Variants in CTTNBP2 observed in about 807,000 individuals in gnomAD.
The protein encoded by CTTNBP2 is cortactin binding protein 2.
In CTTNBP2, 108 loss-of-function variants were observed where a neutral mutation model predicts 156.9. The ratio of observed to expected loss-of-function variants is 0.69; its 90% CI spans 0.59 to 0.81. CTTNBP2 has a LOEUF of 0.81. CTTNBP2 is among the 30% of genes least tolerant of loss of function. The pLI is 0.00. For synonymous variants in CTTNBP2, 767 were observed against 751.8 expected (o/e 1.02, Z -0.33); for missense variants, 1,924 against 2,035.4 (o/e 0.95, Z 1.05).
At position 117,806,210 on chromosome 7, in the gene CTTNBP2, T is replaced by G. The variant is rs1246419582; in HGVS notation, c.414+4555A>C. Among the ~76,000 whole-genome samples, 4 of 152,176 alleles carry G rather than the reference T, an allele frequency of 2.6e-5. No individual in the cohort carries two copies. In the East Asian group the frequency reaches 7.7e-4, roughly 29 times the overall value. On this transcript the variant is annotated intron_variant, in intron 3 of 22. Coordinates refer to ENST00000160373, the MANE Select transcript of CTTNBP2 (RefSeq NM_033427.3). ...CACTGGTAGTGAGAAAGTGGGTGGC[T>G]GCTCCAAGAATAGCACCCAAACTGG...
chr7:117,831,149 G>C (rs1025533150), intron 2 of CTTNBP2, among the ~76,000 whole-genome samples: 1 of 152,118 alleles, frequency 6.6e-6, no homozygotes, highest in Non-Finnish European at 1.5e-5. Context: ...CAACTCTGTC[G>C]TTATCCAGGA....
chr7:117,821,252 CAAAAGTGCTGT>C (rs1160048923), intron 2 of CTTNBP2, among the ~76,000 whole-genome samples: 16 of 152,000 alleles, frequency 1.1e-4, no homozygotes, highest in Non-Finnish European at 1.0e-4. Context: ...CTACCTTGAA[CAAAAGTGCTGT>C]AAAAGTGCTA....
At chr7:117,795,162 C>T (rs1585018538) in intron 3 of CTTNBP2, among the ~76,000 whole-genome samples, 1 of 33,884 alleles carries the variant, frequency 3.0e-5, no homozygotes, top group Admixed American at 4.0e-4. Flanking sequence ...TCCCAAAGTG[C>T]TGGGATTACA....
At chr7:117,718,901 T>TA (rs1197377591) in intron 21 of CTTNBP2, among the ~76,000 whole-genome samples, 2 of 152,136 alleles carry the variant, frequency 1.3e-5, no homozygotes, top group Non-Finnish European at 2.9e-5. Flanking sequence ...TAGGCTTATA[T>TA]AAAAAGCTGC....
chr7:117,774,667 C>A (rs1394526720), intron 8 of CTTNBP2, among the ~76,000 whole-genome samples: 1 of 141,622 alleles, frequency 7.1e-6, no homozygotes, highest in Non-Finnish European at 1.5e-5. Context: ...GAAACTGGTC[C>A]CTGCTGCCAA....
intron 4 of CTTNBP2, 121 bp downstream of exon 4, chr7:117,791,007 T>C: frequency 1.3e-6 from 1 of 749,148 alleles, no homozygotes; most frequent in Non-Finnish European, 2.1e-6. Flanking sequence ...AGAAAAGAAA[T>C]GGGGGTGGGG....
chr7:117,854,243 C>A (rs1245994330), intron 2 of CTTNBP2, among the ~76,000 whole-genome samples: 4 of 152,130 alleles, frequency 2.6e-5, no homozygotes, highest in Non-Finnish European at 4.4e-5. Context: ...TTAATTCATT[C>A]ATTAATTATA....
In CTTNBP2 at chr7:117,792,523, C is replaced by A; in HGVS notation, c.673G>T (p.Ala225Ser). The A allele has an allele frequency of 6.2e-7, 1 of 1,614,138 alleles. No individual in the cohort carries two copies. Reference sequence around the variant, plus strand: ...TCAGAGAGTTGTTTTTCCATCTGAGCTTCCATTTCTGTGCTTCTTCGTTTC... The same window carrying A: ...TCAGAGAGTTGTTTTTCCATCTGAGATTCCATTTCTGTGCTTCTTCGTTTC... Reference protein sequence around the residue: ...AEKRRSTEMEAQMEKQLSEFD... With the variant: ...AEKRRSTEMESQMEKQLSEFD... Residue 225 changes from alanine (A) to serine (S), a missense_variant, in exon 4 of 23, where the codon GCT becomes TCT. Ala to Ser is a moderately conservative substitution (Grantham distance 99). Coordinates refer to ENST00000160373, the MANE Select transcript of CTTNBP2 (RefSeq NM_033427.3). This position sits in a 1 kb window ranked among gnomAD's most constrained non-coding sequence, Gnocchi z 4.2.
At chr7:117,808,993 C>T (rs1238372080) in intron 3 of CTTNBP2, among the ~76,000 whole-genome samples, 1 of 152,026 alleles carries the variant, frequency 6.6e-6, no homozygotes, top group Non-Finnish European at 1.5e-5. Context: ...GTCAGAGAAA[C>T]CCTTCACTGA....
rs398048025 is a variant in CTTNBP2 at position 117,715,475 on chromosome 7, T to TAAAA, written c.4746+2539_4746+2542dup. Reference sequence around the variant, plus strand: ...CAGACTAGAGTCCAGGCCCTGAAGTTAAAAAAAAAAAAAAAAAAGAAGCCT... The same window carrying TAAAA: ...CAGACTAGAGTCCAGGCCCTGAAGTTAAAAAAAAAAAAAAAAAAAAAAGAAGCCT... On this transcript the variant is annotated intron_variant, in intron 22 of 22. Coordinates refer to ENST00000160373, the MANE Select transcript of CTTNBP2 (RefSeq NM_033427.3). 3.2e-3 allele frequency among the ~76,000 whole-genome samples: 374 copies of TAAAA among 116,356 alleles called. 11 individuals are homozygous for TAAAA. The highest frequency in any genetic ancestry group is 9.1e-3 in the Middle Eastern group (2 of 220). 76.3% of individuals were successfully genotyped at this position (116,356 alleles called of 152,430 possible).
chr7:117,791,279 C>T lies in CTTNBP2; in HGVS notation c.1917G>A (p.Trp639Ter). Residue 639 changes from tryptophan to a stop codon, truncating the protein, a stop_gained, in exon 4 of 23, where the codon TGG (tryptophan) becomes TGA (stop). Transcript: ENST00000160373. LOFTEE classifies it high-confidence loss of function. ...GGTTCAGTCCGGGGGTTGCAGCAGG[C>T]CAGGCACCCACCTGAGACGTGGCCA... ...SALATSQVGA[W>*]PAATPGLNQP... 2 of 1,614,088 alleles carry T rather than the reference C, an allele frequency of 1.2e-6. No individual in the cohort carries two copies. The highest frequency in any genetic ancestry group is 1.7e-6 in the Non-Finnish European group (2 of 1,180,012).
At chr7:117,865,330 TA>T (rs1392492889) in intron 1 of CTTNBP2, among the ~76,000 whole-genome samples, 5 of 151,796 alleles carry the variant, frequency 3.3e-5, no homozygotes, top group Non-Finnish European at 7.4e-5. Flanking sequence ...AAAATCCAGC[TA>T]TTTTTTAGTG....
At chr7:117,863,038 C>T (rs1033759784) in intron 1 of CTTNBP2, among the ~76,000 whole-genome samples, 1 of 152,106 alleles carries the variant, frequency 6.6e-6, no homozygotes, top group African/African-American at 2.4e-5. Context: ...TGTGAAGACA[C>T]AAAAGTATAC....
At position 117,832,737 on chromosome 7, in the gene CTTNBP2, CTTTTTTTTTTTTTT is replaced by C. The variant is rs927988376; in HGVS notation, c.190-21762_190-21749del. On this transcript the variant is annotated intron_variant, in intron 2 of 22. Transcript: ENST00000160373. ...AATCTATAGCCCTTCATTCATCAAC[CTTTTTTTTTTTTTT>C]TTTTTTTTTTTTTGAGATAGAGTCT... Among the ~76,000 whole-genome samples the C allele has an allele frequency of 4.2e-4, 48 of 112,976 alleles. 1 individual carries two copies. Among genetic ancestry groups the C allele is most frequent in the Admixed American group, 6.9e-4 (8 of 11,558 alleles). The allele number at this position is 112,976 out of a possible 152,430, so 74.1% of individuals were successfully genotyped here. A position where few individuals can be genotyped will look rare whatever the true frequency, so the allele number is the denominator to read the frequency against.
At chr7:117,814,225 T>C (rs1287877142) in intron 2 of CTTNBP2, among the ~76,000 whole-genome samples, 1 of 139,502 alleles carries the variant, frequency 7.2e-6, no homozygotes, top group Non-Finnish European at 1.5e-5. Flanking sequence ...CAACAGATTT[T>C]ATGGTCAAAA....
intron 9 of CTTNBP2, 27 bp downstream of exon 9, chr7:117,767,031 TA>T (rs1562986300): frequency 8.2e-7 from 1 of 1,224,152 alleles, no homozygotes; most frequent in Non-Finnish European, 1.2e-6. Context: ...AGGGGAAAGA[TA>T]AACAATAAGC....
chr7:117,827,706 A>C (rs955698088), intron 2 of CTTNBP2, among the ~76,000 whole-genome samples: 1 of 152,234 alleles, frequency 6.6e-6, no homozygotes, highest in Non-Finnish European at 1.5e-5. Context: ...TGTGGAAACA[A>C]GAGTTAACAG....
chr7:117,849,727 CA>C (rs1283041630), intron 2 of CTTNBP2, among the ~76,000 whole-genome samples: 1 of 152,142 alleles, frequency 6.6e-6, no homozygotes, highest in Non-Finnish European at 1.5e-5. Context: ...TAAAAGACTA[CA>C]AGAATGCCAC....
At chr7:117,823,292 A>G (rs1038661169) in intron 2 of CTTNBP2, among the ~76,000 whole-genome samples, 8 of 152,210 alleles carry the variant, frequency 5.3e-5, no homozygotes, top group African/African-American at 1.9e-4. Flanking sequence ...ATAAGCAATT[A>G]TGATTTTGAT....
Sources: gnomAD v4.1 joint callset for allele counts (sites outside exome capture counted in the v4.1 genomes callset) on GRCh38, gnomAD v4.1.1 for gene constraint, Gnocchi (gnomAD v3.1) non-coding constraint, MANE v1.5 for transcripts, NCBI Gene and HGNC (gene_info 2026-07-23, HGNC 2026-07-21) for gene names.